SETD9: variants seen among roughly 807,000 people sequenced by gnomAD.
SETD9 encodes the protein SET domain containing 9, also known as SET domain-containing protein 9.
A neutral mutation model predicts 36.4 loss-of-function variants in SETD9; 37 were observed. The observed-to-expected ratio is 1.02, with a 90% CI of 0.78 to 1.34. The LOEUF is 1.34. Ranked by LOEUF, SETD9 falls within the 40% of genes most tolerant of loss-of-function variation. The pLI, the probability that SETD9 is intolerant of heterozygous loss-of-function variation, is 0.00. For synonymous variants in SETD9, 128 were observed against 132.9 expected (o/e 0.96, Z 0.26); for missense variants, 323 against 353.2 (o/e 0.91, Z 0.69).
In SETD9 at chr5:56,910,407, G is replaced by A. The variant is rs548005962; in HGVS notation, c.98+664G>A. 3.2e-5 allele frequency: 42 copies of A among 1,303,598 alleles called. No individual in the cohort carries two copies. In the African/African-American group the frequency reaches 5.8e-4, roughly 18 times the overall value. 80.8% of individuals were successfully genotyped at this position (1,303,598 alleles called of 1,614,324 possible). On this transcript the variant is annotated intron_variant, in intron 1 of 5. Transcript: ENST00000285947. ...GTTTCGGATTGGGGTGAGTCCCGCC[G>A]GCGTTATTAAGGGCGCACCAGTGAT...
chr5:56,915,743 T>C (rs1329125997), intron 5 of SETD9, among the ~76,000 whole-genome samples: 1 of 150,974 alleles, frequency 6.6e-6, no homozygotes, highest in Non-Finnish European at 1.5e-5. Context: ...GTGGGTGGAT[T>C]GCTTGAGCAC....
At chr5:56,921,613 TAATA>T (rs1291337810), downstream of SETD9, 1 of 152,646 alleles carries the variant, frequency 6.6e-6, no homozygotes, top group Non-Finnish European at 1.5e-5. Flanking sequence ...ACAGTTTGTA[TAATA>T]AATACCCTCC....
chr5:56,923,019 G>T, intron 5 of SETD9: 1 of 788,612 alleles, frequency 1.3e-6, no homozygotes, highest in Non-Finnish European at 2.0e-6. Flanking sequence ...TGACATCACT[G>T]ATGTCATAGT....
downstream of SETD9, chr5:56,922,230 G>C (rs1047485709): frequency 2.0e-5 from 3 of 152,634 alleles, no homozygotes; most frequent in African/African-American, 7.2e-5. Flanking sequence ...CTGTGCCTCT[G>C]CAAGTCGACT....
Position 56,917,307 on chromosome 5 carries a change from C to T in SETD9, c.*405C>T, listed in dbSNP as rs1471868028. The T allele has an allele frequency of 3.4e-5, 34 of 989,094 alleles. No homozygotes were observed. Among genetic ancestry groups the T allele is most frequent in the East Asian group, 1.1e-4 (1 of 8,890 alleles). 61.3% of individuals were successfully genotyped at this position (989,094 alleles called of 1,614,324 possible). On this transcript the variant is annotated 3_prime_UTR_variant, in exon 6 of 6. Transcript: ENST00000285947. The stretch of plus-strand genomic sequence containing the variant: ...AACTTCTGTAAAAACTTTATTTTTA[C>T]AGAATTGAGTAAAAAATACCTATTG...
At chr5:56,926,599 A>G (rs1749994037), downstream of SETD9, among the ~76,000 whole-genome samples, 1 of 152,202 alleles carries the variant, frequency 6.6e-6, no homozygotes, top group East Asian at 1.9e-4. Flanking sequence ...AATGCTGGTG[A>G]AGATGTAGAG....
At chr5:56,923,625 T>G (rs538633174) in intron 5 of SETD9, 1 of 1,612,868 alleles carries the variant, frequency 6.2e-7, no homozygotes, top group East Asian at 2.2e-5. Context: ...AGTGGTCCTA[T>G]GACATCAAAC....
In SETD9 at chr5:56,917,060, A is replaced by C. The variant is rs1025096874; in HGVS notation, c.*158A>C. Reference sequence around the variant, plus strand: ...TTTGTTGATATTATATTTATGTTCCAATTTCATGATAAAAGCTACTTGCTT... The same window carrying C: ...TTTGTTGATATTATATTTATGTTCCCATTTCATGATAAAAGCTACTTGCTT... On this transcript the variant is annotated 3_prime_UTR_variant, in exon 6 of 6. Coordinates refer to ENST00000285947, the MANE Select transcript of SETD9 (RefSeq NM_153706.4). 31 of 1,307,980 alleles carry C rather than the reference A, an allele frequency of 2.4e-5. No individual in the cohort carries two copies. In the African/African-American group the frequency reaches 4.5e-4, roughly 19 times the overall value. The allele number at this position is 1,307,980 out of a possible 1,614,324, so 81.0% of individuals were successfully genotyped here.
At chr5:56,914,830 CTT>C in intron 4 of SETD9, 29 bp from the exon 5 acceptor site, 3 of 1,504,680 alleles carry the variant, frequency 2.0e-6, no homozygotes, top group Non-Finnish European at 2.7e-6. Flanking sequence ...TATAATGGCT[CTT>C]TTTCTAAAAA....
intron 5 of SETD9, chr5:56,923,832 C>T: frequency 6.2e-7 from 1 of 1,614,074 alleles, no homozygotes; most frequent in Non-Finnish European, 8.5e-7. Context: ...TCCATATAGT[C>T]CCTGAAAAAC....
downstream of SETD9, chr5:56,921,860 T>A (rs754714760): frequency 2.0e-5 from 3 of 152,626 alleles, no homozygotes; most frequent in Non-Finnish European, 4.4e-5. Context: ...TTGATTCACC[T>A]TATAACTTAA....
chr5:56,918,778 A>C (rs750209905), downstream of SETD9, among the ~76,000 whole-genome samples: 6 of 152,194 alleles, frequency 3.9e-5, no homozygotes, highest in Non-Finnish European at 7.3e-5. Context: ...GCCTTGTACA[A>C]ACTTTGGATA....
intron 5 of SETD9, among the ~76,000 whole-genome samples, chr5:56,915,778 A>G (rs1749394818): frequency 6.6e-6 from 1 of 152,100 alleles, no homozygotes; most frequent in African/African-American, 2.4e-5. Flanking sequence ...AGCCCAGACA[A>G]CATGACAAAA....
intron 1 of SETD9, chr5:56,910,569 C>A (rs190417758): frequency 1.1e-5 from 4 of 360,240 alleles, no homozygotes; most frequent in Admixed American, 8.9e-5. Flanking sequence ...GACTCGGAAC[C>A]GTGAGGCGGG....
chr5:56,918,633 A>ACTT (rs150002094), downstream of SETD9, among the ~76,000 whole-genome samples: 13,834 of 152,180 alleles, frequency 0.091, 641 homozygotes, highest in East Asian at 0.14. Flanking sequence ...CTCTGAAGGC[A>ACTT]CTTCTGTGCA....
chr5:56,916,507 A>G (rs1749435663), intron 5 of SETD9, among the ~76,000 whole-genome samples: 1 of 152,234 alleles, frequency 6.6e-6, no homozygotes, highest in East Asian at 1.9e-4. Flanking sequence ...AATGCAAGAA[A>G]AACTATAATG....
At chr5:56,927,225 C>A (rs1579838136), downstream of SETD9, among the ~76,000 whole-genome samples, 3 of 151,984 alleles carry the variant, frequency 2.0e-5, no homozygotes, top group African/African-American at 7.3e-5. Context: ...GAAGAGCGAA[C>A]CTTAATGTAA....
chr5:56,910,469 G>A, intron 1 of SETD9: 1 of 1,192,230 alleles, frequency 8.4e-7, no homozygotes, highest in Admixed American at 3.0e-5. Flanking sequence ...GGCCGACCGG[G>A]CCTCCCTGAA....
intron 5 of SETD9, chr5:56,923,122 C>G (rs764747917): frequency 6.2e-7 from 1 of 1,610,606 alleles, no homozygotes; most frequent in Non-Finnish European, 8.5e-7. Context: ...GGGATCCTCA[C>G]TCAGGTCACT....
Sources: gnomAD v4.1 joint callset for allele counts (sites outside exome capture counted in the v4.1 genomes callset) on GRCh38, gnomAD v4.1.1 for gene constraint, MANE v1.5 for transcripts, NCBI Gene and HGNC (gene_info 2026-07-23, HGNC 2026-07-21) for gene names.